SPATA16: variants seen among roughly 807,000 people sequenced by gnomAD.
The protein encoded by SPATA16 is spermatogenesis associated 16.
In SPATA16, 36 loss-of-function variants were observed where a neutral mutation model predicts 63.3. That is an observed-to-expected ratio of 0.57 (90% CI 0.44 to 0.75). The LOEUF is 0.75. SPATA16 is among the 30% of genes least tolerant of loss of function. The pLI, the probability that SPATA16 is intolerant of heterozygous loss-of-function variation, is 0.00. For synonymous variants in SPATA16, 203 were observed against 216.7 expected, an observed-to-expected ratio of 0.94 and a Z score of 0.56; for missense variants, 646 against 679.3, an observed-to-expected ratio of 0.95 and a Z score of 0.54.
intron 2 of SPATA16, among the ~76,000 whole-genome samples, chr3:173,093,329 GCA>G (rs1167176154): frequency 2.6e-5 from 4 of 152,076 alleles, no homozygotes; most frequent in African/African-American, 9.7e-5. Context: ...ATTGTGGGAA[GCA>G]CAGCTCTAGA....
intron 1 of SPATA16, among the ~76,000 whole-genome samples, chr3:173,119,120 A>G (rs1737988799): frequency 6.6e-6 from 1 of 152,118 alleles, no homozygotes; most frequent in African/African-American, 2.4e-5. Context: ...ACACATGAAC[A>G]TAGGGAGGGG....
Position 172,975,812 on chromosome 3 carries a change from A to G in SPATA16, c.933+1156T>C, listed in dbSNP as rs148305733. On this transcript the variant is annotated intron_variant, in intron 5 of 10. Coordinates refer to ENST00000351008, the MANE Select transcript of SPATA16 (RefSeq NM_031955.6). ...TTGATCTCCAGATAGAACCATGTGC[A>G]TTGCTGGAAATTGTGTATGATAAAC... Among the ~76,000 whole-genome samples, 548 of 152,172 alleles carry G rather than the reference A, an allele frequency of 3.6e-3. 3 individuals carry two copies. The highest frequency in any genetic ancestry group is 0.013 in the African/African-American group (536 of 41,528).
At chr3:173,090,714 C>G (rs1737200746) in intron 2 of SPATA16, among the ~76,000 whole-genome samples, 1 of 152,138 alleles carries the variant, frequency 6.6e-6, no homozygotes, top group African/African-American at 2.4e-5. Flanking sequence ...TTGTCATGCT[C>G]CTTGGCAACT....
intron 2 of SPATA16, among the ~76,000 whole-genome samples, chr3:173,065,289 A>G (rs745832441): frequency 1.3e-5 from 2 of 151,680 alleles, no homozygotes; most frequent in Non-Finnish European, 2.9e-5. Context: ...CATCTTGAGG[A>G]CCTATAGTTT....
chr3:173,134,166 A>C (rs1238091845), intron 1 of SPATA16, among the ~76,000 whole-genome samples: 1 of 152,234 alleles, frequency 6.6e-6, no homozygotes, highest in Non-Finnish European at 1.5e-5. Context: ...GTAGACCTAC[A>C]TATAAATGTT....
At chr3:173,019,442 A>G (rs1309252229) in intron 4 of SPATA16, 44 bp downstream of exon 4, 1 of 1,505,936 alleles carries the variant, frequency 6.6e-7, no homozygotes, top group Admixed American at 1.7e-5. Context: ...AATAAAATTA[A>G]TTTGACTTGA....
At chr3:173,024,474 A>G (rs1417509206) in intron 3 of SPATA16, among the ~76,000 whole-genome samples, 1 of 151,040 alleles carries the variant, frequency 6.6e-6, no homozygotes, top group Non-Finnish European at 1.5e-5. Context: ...GAATCTATCA[A>G]AATGATCTTG....
chr3:173,030,649 A>G (rs565266753), intron 3 of SPATA16, among the ~76,000 whole-genome samples: 21 of 152,090 alleles, frequency 1.4e-4, no homozygotes, highest in Non-Finnish European at 2.8e-4. Flanking sequence ...TGATGCACCC[A>G]CTATAGAACA....
intron 4 of SPATA16, among the ~76,000 whole-genome samples, chr3:173,003,811 G>A (rs1734880656): frequency 6.6e-6 from 1 of 152,140 alleles, no homozygotes; most frequent in Non-Finnish European, 1.5e-5. Context: ...CTAATTGAGG[G>A]CTTATAATGT....
intron 4 of SPATA16, among the ~76,000 whole-genome samples, chr3:172,994,191 TC>T (rs1482854572): frequency 2.6e-5 from 4 of 152,144 alleles, no homozygotes; most frequent in Admixed American, 6.6e-5. Flanking sequence ...AGTATGTGAC[TC>T]CTGGTAGGGA....
chr3:172,970,180 G>A (rs1284036067), intron 5 of SPATA16, among the ~76,000 whole-genome samples: 1 of 152,056 alleles, frequency 6.6e-6, no homozygotes, highest in Non-Finnish European at 1.5e-5. Flanking sequence ...TGAATCTCAG[G>A]CCCAACCTTT....
At chr3:172,898,267 G>T (rs187114096) in intron 10 of SPATA16, among the ~76,000 whole-genome samples, 1 of 151,872 alleles carries the variant, frequency 6.6e-6, no homozygotes, top group Non-Finnish European at 1.5e-5. Context: ...AACATGAATT[G>T]GGAAGGGTTT....
intron 9 of SPATA16, among the ~76,000 whole-genome samples, chr3:172,915,927 T>G (rs1732473372): frequency 6.6e-6 from 1 of 152,238 alleles, no homozygotes; most frequent in African/African-American, 2.4e-5. Flanking sequence ...AGGGTCATTT[T>G]TCTATACAGC....
intron 10 of SPATA16, among the ~76,000 whole-genome samples, chr3:172,891,545 A>T (rs1731895860): frequency 6.6e-6 from 1 of 152,194 alleles, no homozygotes; most frequent in Non-Finnish European, 1.5e-5. Flanking sequence ...TTTTAAACAG[A>T]TAAATCTGAT....
intron 1 of SPATA16, among the ~76,000 whole-genome samples, chr3:173,137,480 C>T (rs1205777467): frequency 6.6e-6 from 1 of 152,042 alleles, no homozygotes; most frequent in Non-Finnish European, 1.5e-5. Context: ...CCATGGAAGG[C>T]GGGATCTATG....
At chr3:172,953,408 G>A (rs1733498552) in intron 6 of SPATA16, among the ~76,000 whole-genome samples, 1 of 152,184 alleles carries the variant, frequency 6.6e-6, no homozygotes, top group African/African-American at 2.4e-5. Flanking sequence ...CTGTGGAATG[G>A]AGGGGATTTA....
At chr3:173,093,631 C>A (rs934315038) in intron 2 of SPATA16, among the ~76,000 whole-genome samples, 1 of 151,914 alleles carries the variant, frequency 6.6e-6, no homozygotes, top group African/African-American at 2.4e-5. Context: ...ATGCAAACAC[C>A]CCAAGAACTT....
intron 4 of SPATA16, among the ~76,000 whole-genome samples, chr3:172,984,921 T>C (rs1734410544): frequency 6.6e-6 from 1 of 152,220 alleles, no homozygotes; most frequent in Non-Finnish European, 1.5e-5. Context: ...ATTTAATTCC[T>C]AAAATCAAGC....
intron 1 of SPATA16, among the ~76,000 whole-genome samples, 196 bp downstream of exon 1, chr3:173,140,907 C>G (rs887604171): frequency 3.9e-5 from 6 of 152,192 alleles, no homozygotes; most frequent in African/African-American, 1.4e-4. Flanking sequence ...TAACTGCCTG[C>G]AGGAGATGAT....
Sources: gnomAD v4.1 joint callset for allele counts (sites outside exome capture counted in the v4.1 genomes callset) on GRCh38, gnomAD v4.1.1 for gene constraint, MANE v1.5 for transcripts, NCBI Gene and HGNC (gene_info 2026-07-23, HGNC 2026-07-21) for gene names.